NCOA1: variants seen among roughly 807,000 people sequenced by gnomAD.
The protein encoded by NCOA1 is Hin-2 protein.
Under a neutral mutation model 150.9 loss-of-function variants are expected in NCOA1, and 35 were observed. The observed-to-expected ratio is 0.23, with a 90% CI of 0.18 to 0.31. The LOEUF is 0.31. Among genes scored for constraint, NCOA1 ranks in the 10% least tolerant of loss-of-function variants. The pLI is 1.00. For missense variants in NCOA1, 1,491 were observed against 1,749.3 expected, an observed-to-expected ratio of 0.85 and a Z score of 2.63; for synonymous variants, 590 against 630.0, an observed-to-expected ratio of 0.94 and a Z score of 0.95.
At chr2:24,630,907 C>T (rs1669679527) in intron 3 of NCOA1, among the ~76,000 whole-genome samples, 1 of 151,990 alleles carries the variant, frequency 6.6e-6, no homozygotes, top group African/African-American at 2.4e-5. Flanking sequence ...ATACATGTAT[C>T]GAATATTTTA....
intron 8 of NCOA1, among the ~76,000 whole-genome samples, chr2:24,687,775 G>A (rs1357081813): frequency 6.6e-6 from 1 of 152,090 alleles, no homozygotes; most frequent in Non-Finnish European, 1.5e-5. Context: ...TGGATTACAG[G>A]TCCCTCCCTC....
chr2:24,588,967 A>C (rs1667530041), intron 3 of NCOA1, among the ~76,000 whole-genome samples: 1 of 152,180 alleles, frequency 6.6e-6, no homozygotes, highest in South Asian at 2.1e-4. Context: ...GAAGAAGAGT[A>C]CCAGACTTAC....
chr2:24,693,199 A>G (rs1558292171), intron 9 of NCOA1, 53 bp from the exon 10 acceptor site: 15 of 1,529,170 alleles, frequency 9.8e-6, no homozygotes, highest in Non-Finnish European at 1.3e-5. Context: ...AGTGATAGAT[A>G]TAAACCATTT....
intron 1 of NCOA1, among the ~76,000 whole-genome samples, chr2:24,532,946 G>C (rs559992520): frequency 1.3e-5 from 2 of 152,098 alleles, no homozygotes; most frequent in Admixed American, 1.3e-4. Context: ...CTCTTTTTTG[G>C]TTCCATATGA....
chr2:24,608,774 G>C (rs1180462465), intron 3 of NCOA1, among the ~76,000 whole-genome samples: 2 of 125,300 alleles, frequency 1.6e-5, no homozygotes, highest in Non-Finnish European at 3.2e-5. Flanking sequence ...GTATCACATT[G>C]TATTTAATTG....
At chr2:24,686,057 G>A (rs947362983) in intron 8 of NCOA1, among the ~76,000 whole-genome samples, 14 of 152,146 alleles carry the variant, frequency 9.2e-5, no homozygotes, top group East Asian at 3.9e-4. Flanking sequence ...GCTGGAGTGC[G>A]ATGGCATGAT....
chr2:24,650,167 T>C (rs1670650432), intron 4 of NCOA1, among the ~76,000 whole-genome samples: 1 of 152,180 alleles, frequency 6.6e-6, no homozygotes, highest in Non-Finnish European at 1.5e-5. Context: ...GGGTCTCTTC[T>C]CTGGGCCAAG....
chr2:24,743,570 C>T (rs948579448), intron 19 of NCOA1, among the ~76,000 whole-genome samples: 3 of 152,178 alleles, frequency 2.0e-5, no homozygotes, highest in African/African-American at 7.2e-5. Flanking sequence ...ATATGGTTGC[C>T]TGAACAAGAG....
chr2:24,659,009 A>G, intron 5 of NCOA1: 2 of 434,236 alleles, frequency 4.6e-6, no homozygotes, highest in South Asian at 6.5e-5. Flanking sequence ...GTCATTACAT[A>G]CTTAAAGAGA....
chr2:24,588,515 T>C (rs1288555097), intron 3 of NCOA1, among the ~76,000 whole-genome samples: 3 of 152,250 alleles, frequency 2.0e-5, no homozygotes, highest in East Asian at 3.8e-4. Context: ...CCCCTCTCCG[T>C]TGAGATTGTC....
Position 24,707,094 on chromosome 2 carries a change from C to A in NCOA1, c.1624C>A (p.Gln542Lys), listed in dbSNP as rs1196489540. 2 of 1,614,046 alleles carry A rather than the reference C, an allele frequency of 1.2e-6. No homozygotes were observed. The change falls in exon 13 of 23, where the codon CAG becomes AAG. Residue 542 changes from glutamine to lysine, a missense_variant. This residue lies in a region of NCOA1 where 703 missense variants were observed against 717.7 expected (regional missense o/e 0.98). Transcript: ENST00000348332. ...TTCAAACATCCCAGTAACATCTTTA[C>A]AGGGTATGAATGAAGGACCCAATAA... ...SYSNIPVTSLQGMNEGPNNSV... is the reference protein window; with the variant it reads ...SYSNIPVTSLKGMNEGPNNSV...
At chr2:24,689,017 T>C (rs1275491186) in intron 8 of NCOA1, among the ~76,000 whole-genome samples, 2 of 152,216 alleles carry the variant, frequency 1.3e-5, no homozygotes, top group East Asian at 3.8e-4. Context: ...CTTTCCCCAT[T>C]GCTTGTTTTT....
intron 4 of NCOA1, among the ~76,000 whole-genome samples, chr2:24,644,378 G>A (rs184056507): frequency 1.4e-3 from 215 of 152,118 alleles, no homozygotes; most frequent in Non-Finnish European, 2.3e-3. Context: ...ATTGAAAATG[G>A]CAGCAGAAAC....
chr2:24,653,618 C>T (rs1670800163), intron 4 of NCOA1, among the ~76,000 whole-genome samples: 1 of 152,070 alleles, frequency 6.6e-6, no homozygotes, highest in Non-Finnish European at 1.5e-5. Context: ...ATAAAAAGAT[C>T]TAATAACTGG....
intron 2 of NCOA1, among the ~76,000 whole-genome samples, chr2:24,576,163 GTTTTTTGTTT>G (rs1666963515): frequency 2.2e-3 from 202 of 92,668 alleles, no homozygotes; most frequent in Middle Eastern, 6.7e-3. Context: ...TTTTTTTTTT[GTTTTTTGTTT>G]TTTTTTTTTT....
intron 1 of NCOA1, among the ~76,000 whole-genome samples, chr2:24,524,604 G>T (rs1467605398): frequency 6.6e-6 from 1 of 151,434 alleles, no homozygotes; most frequent in Non-Finnish European, 1.5e-5. Context: ...CCTACTTCTT[G>T]TATGTATATA....
chr2:24,721,032 TTA>T, intron 14 of NCOA1, among the ~76,000 whole-genome samples: 1 of 152,326 alleles, frequency 6.6e-6, no homozygotes, highest in East Asian at 1.9e-4. Flanking sequence ...CCCATGACAC[TTA>T]TCTTTTTCTC....
chr2:24,645,750 A>G (rs1670440773), intron 4 of NCOA1, among the ~76,000 whole-genome samples: 1 of 152,174 alleles, frequency 6.6e-6, no homozygotes, highest in South Asian at 2.1e-4. Context: ...GAGTATCATC[A>G]GATTGTGGAG....
At chr2:24,554,397 G>C (rs1450526016) in intron 1 of NCOA1, 1 of 152,022 alleles carries the variant, frequency 6.6e-6, no homozygotes, top group South Asian at 2.1e-4. Context: ...AGGAGCAGAG[G>C]TTTAATAGGC....
Sources: allele counts gnomAD v4.1 joint callset (sites outside exome capture counted in the v4.1 genomes callset), GRCh38; gene constraint gnomAD v4.1.1; regional missense constraint gnomAD v4.1.1; transcripts MANE v1.5; gene names NCBI Gene and HGNC (gene_info 2026-07-23, HGNC 2026-07-21).